Variants in SYCP2 observed in about 807,000 individuals in gnomAD.
SYCP2 encodes synaptonemal complex protein 2, also known as synaptonemal complex lateral element protein.
SYCP2 carries 55 observed loss-of-function variants against 211.3 expected under a neutral mutation model. The ratio of observed to expected loss-of-function variants is 0.26; its 90% CI spans 0.21 to 0.33. SYCP2 has a LOEUF of 0.33. Among genes scored for constraint, SYCP2 ranks in the 10% least tolerant of loss-of-function variants. The probability of loss-of-function intolerance (pLI) is 1.00; values close to 1 mark genes in which losing one functional copy is unlikely to be tolerated. For synonymous variants in SYCP2, 570 were observed against 555.2 expected, an observed-to-expected ratio of 1.03 and a Z score of -0.37; for missense variants, 1,731 against 1,752.0, an observed-to-expected ratio of 0.99 and a Z score of 0.21.
chr20:59,866,076 T>G (rs2059326723), intron 41 of SYCP2, among the ~76,000 whole-genome samples: 1 of 151,760 alleles, frequency 6.6e-6, no homozygotes, highest in Non-Finnish European at 1.5e-5. Flanking sequence ...GAAAGTAAAA[T>G]CTCTCAGGAT....
At chr20:59,896,398 G>T in intron 19 of SYCP2, 31 bp downstream of exon 19, 1 of 1,216,270 alleles carries the variant, frequency 8.2e-7, no homozygotes. Flanking sequence ...TAAAATAATT[G>T]TTAGAAATCT....
chr20:59,924,845 T>C (rs1400068738), intron 2 of SYCP2, among the ~76,000 whole-genome samples: 1 of 152,000 alleles, frequency 6.6e-6, no homozygotes, highest in African/African-American at 2.4e-5. Context: ...GAAACAGACC[T>C]ATACACATGA....
In SYCP2 at chr20:59,880,392, A is replaced by T. The variant is rs151163205; in HGVS notation, c.2852T>A (p.Ile951Asn). The part of the protein sequence containing the change: ...EYRCDDSKTD[I>N]SWLREPKSKP... ...TGATTTCGGTTCTCTTAGCCAGCTAATATCAGTCTTGCTGTCATCACATCT... is the reference window on the plus strand; with the variant it reads ...TGATTTCGGTTCTCTTAGCCAGCTATTATCAGTCTTGCTGTCATCACATCT... The change falls in exon 31 of 45, where the codon ATT becomes AAT. Residue 951 changes from isoleucine to asparagine, a missense_variant. Ile to Asn is a moderately radical substitution (Grantham distance 149). Around this residue, in one of 3 missense-constraint regions of SYCP2, gnomAD observed 1,387 missense variants for 1,351.3 expected, o/e 1.03. Transcript: ENST00000357552. The T allele has an allele frequency of 6.2e-7, 1 of 1,602,428 alleles. No homozygotes were observed. The highest frequency in any genetic ancestry group is 1.1e-5 in the South Asian group (1 of 90,034).
rs748171948 is a variant in SYCP2 at position 59,915,502 on chromosome 20, G to A, written c.562C>T (p.Arg188Trp). 8.1e-6 allele frequency: 13 copies of A among 1,610,114 alleles called. No homozygotes were observed. The highest frequency in any genetic ancestry group is 5.3e-5 in the African/African-American group (4 of 74,874). The change falls in exon 9 of 45, where the codon CGG becomes TGG. Residue 188 changes from arginine to tryptophan, a missense_variant. Around this residue, in one of 3 missense-constraint regions of SYCP2, gnomAD observed 335 missense variants for 378.8 expected, o/e 0.88. Coordinates refer to ENST00000357552, the MANE Select transcript of SYCP2 (RefSeq NM_014258.4). ...AMLDKMPQDA[R>W]KILSNQEMLI... ...ATTTCTTGGTTAGAGAGTATTTTCC[G>A]GGCATCTTGAGGCATTTTGTCAAGC...
rs371457835 is a variant in SYCP2, at chr20:59,908,090, C to CA, written c.973-667dup. On this transcript the variant is annotated intron_variant, in intron 14 of 44. Coordinates refer to ENST00000357552, the MANE Select transcript of SYCP2 (RefSeq NM_014258.4). Reference sequence around the variant, plus strand: ...TGAAACCCCGTCTCTACTAAAAATACAAAAAAAAATTAGCCGGGCGTGGTG... The same window carrying CA: ...TGAAACCCCGTCTCTACTAAAAATACAAAAAAAAAATTAGCCGGGCGTGGTG... Among the ~76,000 whole-genome samples the CA allele has an allele frequency of 1.9e-3, 292 of 150,916 alleles. 2 individuals are homozygous for CA. Among genetic ancestry groups the CA allele is most frequent in the African/African-American group, 6.7e-3 (274 of 41,190 alleles).
chr20:59,919,653 TTATC>T (rs2060504791), intron 5 of SYCP2, 56 bp from the exon 6 acceptor site: 2 of 1,112,428 alleles, frequency 1.8e-6, no homozygotes, highest in Non-Finnish European at 2.7e-6. Flanking sequence ...AAGAATGTAC[TTATC>T]TATCTTTGCA....
In SYCP2 at chr20:59,910,222, G is replaced by A. The variant is rs114798684; in HGVS notation, c.972+1528C>T. 7.4e-3 allele frequency among the ~76,000 whole-genome samples: 1,122 copies of A among 152,046 alleles called. 19 individuals are homozygous for A. Among genetic ancestry groups the A allele is most frequent in the African/African-American group, 0.026 (1,059 of 41,482 alleles). On this transcript the variant is annotated intron_variant, in intron 14 of 44. Coordinates refer to ENST00000357552, the MANE Select transcript of SYCP2 (RefSeq NM_014258.4). ...TAAAGGGATAACATACTACAGCTACGGAAATTCAGAAGAGAGAGGATTCTA... is the reference window on the plus strand; with the variant it reads ...TAAAGGGATAACATACTACAGCTACAGAAATTCAGAAGAGAGAGGATTCTA...
Position 59,914,176 on chromosome 20 carries a change from T to C in SYCP2, c.710A>G (p.His237Arg). The C allele has an allele frequency of 1.6e-5, 25 of 1,605,654 alleles. No individual in the cohort carries two copies. Among genetic ancestry groups the C allele is most frequent in the Non-Finnish European group, 2.0e-5 (24 of 1,174,042 alleles). ...AATAAAATCCATTGAAAACCACTGA[T>C]GTGCCAGTTCTTGTCTTTGTTTTTC... is the stretch of plus-strand genomic sequence containing the variant. ...TTEKQRQELA[H>R]QWFSMDFIAK... The change falls in exon 11 of 45, where the codon CAT becomes CGT. Residue 237 changes from histidine to arginine, a missense_variant. Coordinates refer to ENST00000357552, the MANE Select transcript of SYCP2 (RefSeq NM_014258.4).
Position 59,881,509 on chromosome 20 carries a change from CA to C in SYCP2, c.2659-18del, listed in dbSNP as rs1555874990. ...CTCTTGGATCTATATTGTAAATAAA[CA>C]AAAAAAAAGAGGTGTCAGTGTCAAA... On this transcript the variant is annotated intron_variant, in intron 28 of 44. Coordinates refer to ENST00000357552, the MANE Select transcript of SYCP2 (RefSeq NM_014258.4). 4.7e-4 allele frequency: 616 copies of C among 1,310,346 alleles called. No individual in the cohort carries two copies. Among genetic ancestry groups the C allele is most frequent in the Admixed American group, 1.2e-3 (42 of 35,454 alleles). The allele number at this position is 1,310,346 out of a possible 1,614,324, so 81.2% of individuals were successfully genotyped here.
rs1324176919 is a variant in SYCP2 at position 59,933,613 on chromosome 20, A to G, written c.-184T>C. ...CGTAGTGTCGGTGGAGCCGCCCCCT[A>G]TGCCGCCGAGCGTCGCAACTCTGCG... On this transcript the variant is annotated 5_prime_UTR_variant, in exon 1 of 45. Transcript: ENST00000357552. The G allele has an allele frequency of 6.6e-6, 1 of 151,340 alleles. No individual in the cohort carries two copies. Among genetic ancestry groups the G allele is most frequent in the Non-Finnish European group, 1.5e-5 (1 of 67,812 alleles). 9.4% of individuals were successfully genotyped at this position (151,340 alleles called of 1,614,324 possible). A position where few individuals can be genotyped will look rare whatever the true frequency, so the allele number is the denominator to read the frequency against.
intron 15 of SYCP2, among the ~76,000 whole-genome samples, chr20:59,906,699 T>C (rs2060220080): frequency 6.6e-6 from 1 of 152,030 alleles, no homozygotes; most frequent in Admixed American, 6.5e-5. Flanking sequence ...ATTTCAAAAT[T>C]TAAAACTGCT....
At chr20:59,899,051 G>C (rs1022088219) in intron 18 of SYCP2, among the ~76,000 whole-genome samples, 1 of 152,142 alleles carries the variant, frequency 6.6e-6, no homozygotes, top group Non-Finnish European at 1.5e-5. Context: ...TCAAGATACT[G>C]ATATTTAAGG....
At chr20:59,928,665 A>C (rs2060677736) in intron 2 of SYCP2, among the ~76,000 whole-genome samples, 1 of 152,166 alleles carries the variant, frequency 6.6e-6, no homozygotes, top group Non-Finnish European at 1.5e-5. Context: ...CAAACACATA[A>C]GCATATATTG....
intron 1 of SYCP2, chr20:59,933,338 G>A (rs966701883): frequency 6.6e-6 from 1 of 151,478 alleles, no homozygotes; most frequent in Non-Finnish European, 1.5e-5. Context: ...GCCTGCGCGA[G>A]CCACCCTCGC....
chr20:59,868,324 A>C, intron 38 of SYCP2, 89 bp downstream of exon 38: 9 of 1,337,438 alleles, frequency 6.7e-6, no homozygotes, highest in East Asian at 2.3e-5. Flanking sequence ...AGTTGTCTTT[A>C]CAAATTTGTT....
chr20:59,885,808 T>C, intron 26 of SYCP2, 120 bp downstream of exon 26: 1 of 771,400 alleles, frequency 1.3e-6, no homozygotes, highest in East Asian at 2.8e-5. Flanking sequence ...TTATCATTCA[T>C]TTAGCAATAT....
At chr20:59,890,512 C>T (rs1054576174) in intron 24 of SYCP2, among the ~76,000 whole-genome samples, 2 of 151,654 alleles carry the variant, frequency 1.3e-5, no homozygotes, top group Admixed American at 1.3e-4. Flanking sequence ...CAAAACTGCA[C>T]GTTCTGCACA....
chr20:59,888,443 AAC>A (rs1175266807), intron 24 of SYCP2, among the ~76,000 whole-genome samples: 2 of 152,178 alleles, frequency 1.3e-5, no homozygotes, highest in African/African-American at 2.4e-5. Context: ...AACAAAATCC[AAC>A]ACAGATTCAC....
intron 12 of SYCP2, among the ~76,000 whole-genome samples, chr20:59,913,294 T>G (rs1028356423): frequency 6.6e-6 from 1 of 152,100 alleles, no homozygotes; most frequent in Non-Finnish European, 1.5e-5. Flanking sequence ...TGCCCAATAT[T>G]AGAACAGGAA....
Sources: allele counts gnomAD v4.1 joint callset (sites outside exome capture counted in the v4.1 genomes callset), GRCh38; gene constraint gnomAD v4.1.1; regional missense constraint gnomAD v4.1.1; transcripts MANE v1.5; gene names NCBI Gene and HGNC (gene_info 2026-07-23, HGNC 2026-07-21).